EIF4G3: variants seen among roughly 807,000 people sequenced by gnomAD.
The protein encoded by EIF4G3 is eukaryotic translation initiation factor 4 gamma 3, also known as eIF-4-gamma 3.
Under a neutral mutation model 186.4 loss-of-function variants are expected in EIF4G3, and 34 were observed. The ratio of observed to expected loss-of-function variants is 0.18; its 90% CI spans 0.14 to 0.24. The LOEUF is 0.24. EIF4G3 is among the 10% of genes least tolerant of loss of function. The pLI, the probability that EIF4G3 is intolerant of heterozygous loss-of-function variation, is 1.00. For synonymous variants in EIF4G3, 673 were observed against 679.5 expected (o/e 0.99, Z 0.15); for missense variants, 1,536 against 1,948.5 (o/e 0.79, Z 3.99).
chr1:21,002,710 T>C lies in EIF4G3; in HGVS notation c.30+3A>G. ...AATTTGGTTCAAGCTTCTGCTTACT[T>C]ACCGGAGAACGGGTTTGAGGTTGTG... On this transcript the variant is annotated splice_donor_region_variant and intron_variant, in intron 5 of 36. Coordinates refer to ENST00000602326, the MANE Select transcript of EIF4G3 (RefSeq NM_001391906.1). The C allele has an allele frequency of 6.2e-7, 1 of 1,613,328 alleles. No individual in the cohort carries two copies. The highest frequency in any genetic ancestry group is 1.1e-5 in the South Asian group (1 of 90,922).
chr1:20,946,208 T>A (rs2095941925), intron 13 of EIF4G3, among the ~76,000 whole-genome samples: 1 of 152,216 alleles, frequency 6.6e-6, no homozygotes, highest in African/African-American at 2.4e-5. Flanking sequence ...ACAACACTGC[T>A]ATGAATGGTT....
At chr1:21,040,866 C>T (rs951734096) in intron 4 of EIF4G3, among the ~76,000 whole-genome samples, 1 of 152,170 alleles carries the variant, frequency 6.6e-6, no homozygotes, top group African/African-American at 2.4e-5. Flanking sequence ...AGCAGCCATA[C>T]TTCAACCAAT....
At chr1:20,829,371 A>C (rs1571232568) in intron 30 of EIF4G3, 99 bp from the exon 31 acceptor site, 1 of 1,334,472 alleles carries the variant, frequency 7.5e-7, no homozygotes. Context: ...CATATTAATC[A>C]CCTGCTATGT....
intron 2 of EIF4G3, among the ~76,000 whole-genome samples, chr1:21,129,604 G>A (rs2097115209): frequency 6.6e-6 from 1 of 152,114 alleles, no homozygotes; most frequent in Non-Finnish European, 1.5e-5. Flanking sequence ...AGCCTGAAGA[G>A]ATTCCACAGG....
Position 20,981,053 on chromosome 1 carries a change from G to T in EIF4G3, c.373C>A (p.Pro125Thr), listed in dbSNP as rs1177023852. The part of the protein sequence containing the change: ...PVPQGPQYCI[P>T]QYRHSGPPYV... ...AGGCCTCAAAGATACTTTACCTGTGGTATACAGTACTGAGGCCCCTGGGGC... is the reference window on the plus strand; with the variant it reads ...AGGCCTCAAAGATACTTTACCTGTGTTATACAGTACTGAGGCCCCTGGGGC... The change falls in exon 9 of 37, where the codon CCA becomes ACA. Residue 125 changes from proline to threonine, a missense_variant. Pro to Thr is a conservative substitution (Grantham distance 38). Transcript: ENST00000602326. 6.3e-7 allele frequency: 1 copy of T among 1,592,414 alleles called. No individual in the cohort carries two copies. The highest frequency in any genetic ancestry group is 8.6e-7 in the Non-Finnish European group (1 of 1,168,132).
chr1:20,860,227 G>GT (rs1354036070), intron 24 of EIF4G3, among the ~76,000 whole-genome samples, 158 bp downstream of exon 24: 4 of 152,298 alleles, frequency 2.6e-5, no homozygotes, highest in African/African-American at 9.6e-5. Flanking sequence ...CTTTTACTCA[G>GT]TAACTTTACT....
intron 2 of EIF4G3, among the ~76,000 whole-genome samples, chr1:21,090,124 C>T (rs1481448255): frequency 6.6e-6 from 1 of 152,106 alleles, no homozygotes; most frequent in East Asian, 1.9e-4. Context: ...TTTCAAATTG[C>T]TGTGATTTAT....
chr1:20,983,194 T>C (rs371210695), intron 7 of EIF4G3, among the ~76,000 whole-genome samples: 4 of 151,938 alleles, frequency 2.6e-5, no homozygotes, highest in East Asian at 1.9e-4. Flanking sequence ...ATGGCAAAGA[T>C]AGCCCTAAAG....
intron 4 of EIF4G3, among the ~76,000 whole-genome samples, chr1:21,035,568 T>C (rs535035914): frequency 6.6e-6 from 1 of 152,326 alleles, no homozygotes; most frequent in Admixed American, 6.5e-5. Flanking sequence ...CCCAGCCAGG[T>C]ATGCATAGGC....
At chr1:21,151,735 G>T (rs1305351386) in intron 2 of EIF4G3, among the ~76,000 whole-genome samples, 2 of 151,268 alleles carry the variant, frequency 1.3e-5, no homozygotes, top group Non-Finnish European at 2.9e-5. Flanking sequence ...AAAAAAACAG[G>T]GCTAATTTCA....
intron 2 of EIF4G3, among the ~76,000 whole-genome samples, chr1:21,109,068 A>C (rs189425066): frequency 1.0e-3 from 152 of 152,148 alleles, no homozygotes; most frequent in African/African-American, 3.4e-3. Context: ...AAATACAAAA[A>C]TTAGCTGGGC....
At chr1:21,121,015 G>A (rs182784319) in intron 2 of EIF4G3, among the ~76,000 whole-genome samples, 2 of 152,230 alleles carry the variant, frequency 1.3e-5, no homozygotes, top group African/African-American at 4.8e-5. Context: ...AACTTCCTGG[G>A]CTCAAGCAGT....
At chr1:20,919,175 T>C (rs973543002) in intron 14 of EIF4G3, among the ~76,000 whole-genome samples, 22 of 152,216 alleles carry the variant, frequency 1.4e-4, no homozygotes, top group Admixed American at 1.3e-3. Flanking sequence ...ATATTGTCTT[T>C]TGATTTCCTT....
intron 29 of EIF4G3, among the ~76,000 whole-genome samples, chr1:20,843,964 T>C (rs2069698601): frequency 6.6e-6 from 1 of 152,218 alleles, no homozygotes; most frequent in Non-Finnish European, 1.5e-5. Flanking sequence ...GCTCTATCCA[T>C]GTCCCTGCAA....
intron 14 of EIF4G3, among the ~76,000 whole-genome samples, chr1:20,926,180 G>T (rs919731395): frequency 6.6e-6 from 1 of 152,254 alleles, no homozygotes; most frequent in Non-Finnish European, 1.5e-5. Context: ...ATATTATAAA[G>T]ACGTGGCTAT....
intron 2 of EIF4G3, among the ~76,000 whole-genome samples, chr1:21,159,465 G>A (rs367635621): frequency 7.3e-5 from 11 of 150,958 alleles, no homozygotes; most frequent in East Asian, 5.8e-4. Context: ...AGGCTGGCGC[G>A]GTGGCTCACG....
At chr1:21,058,704 C>A (rs2094698040) in intron 3 of EIF4G3, among the ~76,000 whole-genome samples, 1 of 119,858 alleles carries the variant, frequency 8.3e-6, no homozygotes, top group Non-Finnish European at 1.7e-5. Context: ...TTTTCTTCTT[C>A]TTCTCTCTCT....
chr1:20,978,299 T>C (rs2077259436), intron 10 of EIF4G3, among the ~76,000 whole-genome samples: 1 of 151,582 alleles, frequency 6.6e-6, no homozygotes, highest in Non-Finnish European at 1.5e-5. Context: ...TATATATATA[T>C]TGTGTAACTT....
chr1:20,868,469 G>A (rs941809722), intron 20 of EIF4G3, among the ~76,000 whole-genome samples: 6 of 151,930 alleles, frequency 3.9e-5, no homozygotes, highest in Non-Finnish European at 8.8e-5. Context: ...CATTGTGTGG[G>A]CTCCACCCTC....
Sources: allele counts gnomAD v4.1 joint callset (sites outside exome capture counted in the v4.1 genomes callset), GRCh38; gene constraint gnomAD v4.1.1; transcripts MANE v1.5; gene names NCBI Gene and HGNC (gene_info 2026-07-23, HGNC 2026-07-21).